TNIP1: variants seen among roughly 807,000 people sequenced by gnomAD.
The protein encoded by TNIP1 is TNFAIP3-interacting protein 1.
A neutral mutation model predicts 86.6 loss-of-function variants in TNIP1; 22 were observed. That is an observed-to-expected ratio of 0.25 (90% confidence interval 0.18 to 0.36). The LOEUF is 0.36. Ranked by LOEUF, TNIP1 falls within the 10% of genes least tolerant of loss-of-function variation. The pLI is 1.00. For synonymous variants in TNIP1, 294 were observed against 313.0 expected (o/e 0.94, Z 0.64); for missense variants, 709 against 820.6 (o/e 0.86, Z 1.66).
At chr5:151,060,928 G>A (rs781177831) in intron 4 of TNIP1, among the ~76,000 whole-genome samples, 9 of 152,112 alleles carry the variant, frequency 5.9e-5, no homozygotes, top group East Asian at 5.8e-4. Context: ...CAGCTGTTAC[G>A]GCCACCACCA....
chr5:151,033,279 G>T (rs1214452838), intron 16 of TNIP1, among the ~76,000 whole-genome samples: 1 of 152,110 alleles, frequency 6.6e-6, no homozygotes, highest in Non-Finnish European at 1.5e-5. Context: ...GTTACACGTG[G>T]AAGTTATAAG....
At chr5:151,035,448 G>C in intron 14 of TNIP1, 134 bp downstream of exon 14, 1 of 1,349,572 alleles carries the variant, frequency 7.4e-7, no homozygotes, top group Non-Finnish European at 1.0e-6. Flanking sequence ...GCCTTGCCGA[G>C]CTCAAATATG....
chr5:151,058,707 T>G (rs1581841445), intron 5 of TNIP1, among the ~76,000 whole-genome samples: 1 of 152,314 alleles, frequency 6.6e-6, no homozygotes, highest in East Asian at 1.9e-4. Context: ...GAAACAGTTA[T>G]GGGAATCACA....
intron 11 of TNIP1, 29 bp from the exon 12 acceptor site, chr5:151,039,254 G>T (rs1403750384): frequency 6.2e-7 from 1 of 1,602,392 alleles, no homozygotes; most frequent in Admixed American, 1.7e-5. Context: ...TGGTAAGCTG[G>T]CTAGGATGGC....
At chr5:151,059,878 C>T (rs1465098943) in intron 5 of TNIP1, among the ~76,000 whole-genome samples, 20 of 113,526 alleles carry the variant, frequency 1.8e-4, no homozygotes, top group East Asian at 8.9e-4. Flanking sequence ...CGCGCGCGCG[C>T]GCGCATGCGT....
chr5:151,042,696 G>A (rs764982646), intron 10 of TNIP1, 25 bp from the exon 11 acceptor site: 39 of 1,613,378 alleles, frequency 2.4e-5, no homozygotes, highest in South Asian at 7.7e-5. Flanking sequence ...AGAGAGGAGT[G>A]TGTGAGGCAA....
chr5:151,047,313 C>T (rs1490810158), intron 8 of TNIP1, among the ~76,000 whole-genome samples: 2 of 152,172 alleles, frequency 1.3e-5, no homozygotes, highest in Admixed American at 6.5e-5. Context: ...AGGCCTCAAT[C>T]GTGACAGCAA....
intron 11 of TNIP1, among the ~76,000 whole-genome samples, chr5:151,041,071 CTTTTT>C (rs397944698): frequency 7.2e-6 from 1 of 139,474 alleles, no homozygotes; most frequent in Non-Finnish European, 1.6e-5. Context: ...CTTCGTAGTA[CTTTTT>C]TTTTTTTTTT....
At position 151,056,876 on chromosome 5, in the gene TNIP1, C is replaced by G. The variant is rs201360054; in HGVS notation, c.517G>C (p.Glu173Gln). 1 of 1,605,962 alleles carries G rather than the reference C, an allele frequency of 6.2e-7. No homozygotes were observed. Among genetic ancestry groups the G allele is most frequent in the East Asian group, 2.3e-5 (1 of 43,952 alleles). Residue 173 changes from glutamate (E) to glutamine (Q), a missense_variant, in exon 6 of 18, where the codon GAG becomes CAG. Transcript: ENST00000521591. The part of the protein sequence containing the change: ...RLETTLSVCA[E>Q]EPDHGQLFTH... ...AAGAGCTGGCCGTGGTCCGGCTCCT[C>G]GGCACACACACTCAGCGTGGTCTCC...
rs914102172 is a variant in TNIP1 at position 151,037,010 on chromosome 5, A to G, written c.1264-89T>C. 2.7e-6 allele frequency: 4 copies of G among 1,454,688 alleles called. No individual in the cohort carries two copies. The East Asian group carries it at 9.7e-5, about 35-fold the overall frequency. The allele number at this position is 1,454,688 out of a possible 1,614,324, so 90.1% of individuals were successfully genotyped here. A position where few individuals can be genotyped will look rare whatever the true frequency, so the allele number is the denominator to read the frequency against. ...GTCATCCTCAGGGAACTCCTTCCTA[A>G]TAATAATCATACTAATAATAGCCAC... On this transcript the variant is annotated intron_variant, in intron 12 of 17. Transcript: ENST00000521591.
chr5:151,032,240 A>T (rs1229742221), intron 17 of TNIP1, 47 bp downstream of exon 17: 1 of 1,500,540 alleles, frequency 6.7e-7, no homozygotes. Flanking sequence ...GGCAGATAAG[A>T]TATTATCTCC....
At chr5:151,060,943 T>C (rs979143028) in intron 4 of TNIP1, among the ~76,000 whole-genome samples, 2 of 152,206 alleles carry the variant, frequency 1.3e-5, no homozygotes, top group African/African-American at 2.4e-5. Flanking sequence ...CCACCAAGCA[T>C]GTCCTGTGCT....
At position 151,042,637 on chromosome 5, in the gene TNIP1, T is replaced by C; in HGVS notation, c.1037A>G (p.Gln346Arg). ...GGCCTCCAGGTCAGTCACCTGCTTC[T>C]GCAAATCAGCCAGCTTCTGACGCAG... Reference protein sequence around the residue: ...TELRQKLADLQKQVTDLEAER... With the variant: ...TELRQKLADLRKQVTDLEAER... Residue 346 changes from glutamine (Q) to arginine (R), a missense_variant, in exon 11 of 18, where the codon CAG (glutamine) becomes CGG (arginine). Physicochemically the swap from Gln to Arg is conservative, Grantham distance 43 (BLOSUM62 1). Coordinates refer to ENST00000521591, the MANE Select transcript of TNIP1 (RefSeq NM_006058.5). The C allele has an allele frequency of 3.1e-6, 5 of 1,614,020 alleles. No individual in the cohort carries two copies. The highest frequency in any genetic ancestry group is 4.2e-6 in the Non-Finnish European group (5 of 1,180,036).
rs965089340 is a variant in TNIP1, at chr5:151,035,510, G to A, written c.1521+72C>T. ...GGGTCCTGACATCCAGCCTCACCAG[G>A]GCCCTCCAATCCATGCCCCCTCTCC... On this transcript the variant is annotated intron_variant, in intron 14 of 17. Coordinates refer to ENST00000521591, the MANE Select transcript of TNIP1 (RefSeq NM_006058.5). 8.7e-6 allele frequency: 14 copies of A among 1,608,814 alleles called. No homozygotes were observed. In the East Asian group the frequency reaches 2.9e-4, roughly 33 times the overall value.
chr5:151,085,629 C>T (rs185674114), upstream of TNIP1, among the ~76,000 whole-genome samples: 5 of 152,330 alleles, frequency 3.3e-5, no homozygotes, highest in Admixed American at 2.0e-4. Flanking sequence ...TCGTCACATA[C>T]GTGGCCTAGC....
intron 11 of TNIP1, 106 bp downstream of exon 11, chr5:151,042,434 T>C: frequency 2.0e-6 from 3 of 1,487,374 alleles, no homozygotes; most frequent in South Asian, 1.3e-5. Flanking sequence ...TCTTTCGCAC[T>C]AGACCCCCGG....
intron 17 of TNIP1, 43 bp downstream of exon 17, chr5:151,032,244 T>TA: frequency 6.6e-7 from 1 of 1,512,874 alleles, no homozygotes; most frequent in South Asian, 1.2e-5. Flanking sequence ...GATAAGATAT[T>TA]ATCTCCCCCA....
intron 6 of TNIP1, among the ~76,000 whole-genome samples, chr5:151,053,777 G>T (rs78065560): frequency 6.6e-6 from 1 of 152,194 alleles, no homozygotes; most frequent in African/African-American, 2.4e-5. Flanking sequence ...CTATGTTAAA[G>T]GTAGGGAAAC....
intron 5 of TNIP1, among the ~76,000 whole-genome samples, chr5:151,057,838 T>C (rs1163370952): frequency 6.6e-6 from 1 of 152,186 alleles, no homozygotes; most frequent in Non-Finnish European, 1.5e-5. Context: ...GTAAGTAATC[T>C]AGAGATGATT....
Sources: allele counts gnomAD v4.1 joint callset (sites outside exome capture counted in the v4.1 genomes callset), GRCh38; gene constraint gnomAD v4.1.1; transcripts MANE v1.5; gene names NCBI Gene and HGNC (gene_info 2026-07-23, HGNC 2026-07-21).